Variants in DUOXA1 observed in about 807,000 individuals in gnomAD.
The protein encoded by DUOXA1 is dual oxidase maturation factor 1.
Under a neutral mutation model 26.6 loss-of-function variants are expected in DUOXA1, and 19 were observed. The ratio of observed to expected loss-of-function variants is 0.71; its 90% CI spans 0.50 to 1.05. The LOEUF (loss-of-function observed/expected upper bound fraction) is 1.05, where lower values mean the gene tolerates loss of function less well. Among genes scored for constraint, DUOXA1 ranks in the 50% least tolerant of loss-of-function variants. The pLI, the probability that DUOXA1 is intolerant of heterozygous loss-of-function variation, is 0.00. For missense variants in DUOXA1, 403 were observed against 427.5 expected (o/e 0.94, Z 0.51); for synonymous variants, 166 against 177.0 (o/e 0.94, Z 0.49).
chr15:45,121,266 G>A (rs1595549954), intron 5 of DUOXA1, 45 bp from the exon 6 acceptor site: 1 of 1,613,646 alleles, frequency 6.2e-7, no homozygotes, highest in East Asian at 2.2e-5. Context: ...AGATGACTGG[G>A]CATTACTAGG....
chr15:45,125,469 C>T (rs542077851), intron 3 of DUOXA1, among the ~76,000 whole-genome samples: 2 of 152,340 alleles, frequency 1.3e-5, no homozygotes, highest in East Asian at 3.9e-4. Context: ...ATTCCTGTCA[C>T]AGCCAGGCTT....
intron 3 of DUOXA1, among the ~76,000 whole-genome samples, chr15:45,125,729 T>C (rs535689408): frequency 3.3e-5 from 5 of 152,204 alleles, no homozygotes; most frequent in Non-Finnish European, 7.4e-5. Context: ...TTTGGCCATC[T>C]CTTTGTGGCT....
Position 45,117,439 on chromosome 15 carries a change from G to A in DUOXA1, c.*1667C>T. 6.5e-7 allele frequency: 1 copy of A among 1,531,502 alleles called. No homozygotes were observed. The highest frequency in any genetic ancestry group is 8.8e-7 in the Non-Finnish European group (1 of 1,135,040). 94.9% of individuals were successfully genotyped at this position (1,531,502 alleles called of 1,614,324 possible). On this transcript the variant is annotated 3_prime_UTR_variant, in exon 9 of 9. Coordinates refer to ENST00000560572, the MANE Select transcript of DUOXA1 (RefSeq NM_001276266.2). ...CCCTCTCAATAGTTCGCAGAAACAG[G>A]CACTGTTATGACCATTTTACAGATG...
Position 45,117,619 on chromosome 15 carries a change from G to C in DUOXA1, c.*1487C>G. On this transcript the variant is annotated 3_prime_UTR_variant, in exon 9 of 9. Transcript: ENST00000560572. ...TAATCCCAGCACTTTGGGAGGTCGA[G>C]GCAGGAAGGTCGTTTGAGGCCAGAG... The C allele has an allele frequency of 6.2e-7, 1 of 1,613,780 alleles. No individual in the cohort carries two copies.
chr15:45,118,141 G>GACCA lies in DUOXA1; in HGVS notation c.*964_*965insTGGT. The GACCA allele has an allele frequency of 1.6e-5, 23 of 1,439,022 alleles. No homozygotes were observed. In the Admixed American group the frequency reaches 1.7e-4, roughly 10 times the overall value. 89.1% of individuals were successfully genotyped at this position (1,439,022 alleles called of 1,614,324 possible). ...CCATTAATTTTCATGGCTTCTCCGC[G>GACCA]CCGGGGTCGCACGTCCTCATGAGCT... On this transcript the variant is annotated 3_prime_UTR_variant, in exon 9 of 9. Coordinates refer to ENST00000560572, the MANE Select transcript of DUOXA1 (RefSeq NM_001276266.2).
Position 45,118,582 on chromosome 15 carries a change from G to A in DUOXA1, c.*524C>T. 1 of 991,328 alleles carries A rather than the reference G, an allele frequency of 1.0e-6. No individual in the cohort carries two copies. Among genetic ancestry groups the A allele is most frequent in the Non-Finnish European group, 1.2e-6 (1 of 834,208 alleles). The allele number at this position is 991,328 out of a possible 1,614,324, so 61.4% of individuals were successfully genotyped here. A position where few individuals can be genotyped will look rare whatever the true frequency, so the allele number is the denominator to read the frequency against. ...AGAGAATGTGGCATAGTTGGTTAAT[G>A]TTAGACCTAGGATGAGAAGTTTGGT... On this transcript the variant is annotated 3_prime_UTR_variant, in exon 9 of 9. Coordinates refer to ENST00000560572, the MANE Select transcript of DUOXA1 (RefSeq NM_001276266.2).
At chr15:45,124,097 C>T (rs1047269361) in intron 3 of DUOXA1, among the ~76,000 whole-genome samples, 1 of 152,100 alleles carries the variant, frequency 6.6e-6, no homozygotes, top group African/African-American at 2.4e-5. Flanking sequence ...TCATTTCATG[C>T]AGTGTGATCT....
At chr15:45,126,310 T>G (rs1482687353) in intron 3 of DUOXA1, among the ~76,000 whole-genome samples, 1 of 152,226 alleles carries the variant, frequency 6.6e-6, no homozygotes, top group Admixed American at 6.5e-5. Flanking sequence ...TTGCCCAGCC[T>G]AGTCTATAGC....
rs1894882204 is a variant in DUOXA1 at position 45,119,025 on chromosome 15, G to A, written c.*81C>T. The A allele has an allele frequency of 6.6e-6, 10 of 1,506,354 alleles. No individual in the cohort carries two copies. Among genetic ancestry groups the A allele is most frequent in the Non-Finnish European group, 8.9e-6 (10 of 1,126,818 alleles). 93.3% of individuals were successfully genotyped at this position (1,506,354 alleles called of 1,614,324 possible). A position where few individuals can be genotyped will look rare whatever the true frequency, so the allele number is the denominator to read the frequency against. ...GGTGTCTGGTAACAGCCACCCTGAG[G>A]GCAGTTCTGCTGGTTTTATGGGGCG... On this transcript the variant is annotated 3_prime_UTR_variant, in exon 9 of 9. Coordinates refer to ENST00000560572, the MANE Select transcript of DUOXA1 (RefSeq NM_001276266.2).
intron 3 of DUOXA1, among the ~76,000 whole-genome samples, chr15:45,125,526 A>G (rs1895612753): frequency 6.6e-6 from 1 of 152,064 alleles, no homozygotes; most frequent in Admixed American, 6.6e-5. Flanking sequence ...TATCTCTTCA[A>G]CCTACCACAA....
intron 5 of DUOXA1, 143 bp downstream of exon 5, chr15:45,122,042 G>A: frequency 1.2e-6 from 1 of 827,536 alleles, no homozygotes; most frequent in South Asian, 1.5e-5. Flanking sequence ...AGGCCATGGT[G>A]AGAGAAGCAT....
At chr15:45,119,542 TAA>T (rs1894946776) in intron 8 of DUOXA1, among the ~76,000 whole-genome samples, 177 bp from the exon 9 acceptor site, 1 of 151,974 alleles carries the variant, frequency 6.6e-6, no homozygotes, top group South Asian at 2.1e-4. Context: ...TCTGTTGTCC[TAA>T]GTTTCCAGAC....
In DUOXA1 at chr15:45,129,002, G is replaced by C. The variant is rs1012988991; in HGVS notation, c.-30+16C>G. On this transcript the variant is annotated intron_variant, in intron 3 of 8. Transcript: ENST00000560572. This position sits in a 1 kb window ranked among gnomAD's most constrained non-coding sequence, Gnocchi z 4.1. ...CCGCATCCCCCACCACCCACACCCG[G>C]ACCACTATTCCCTACCTTCCCCTCT... 6.6e-6 allele frequency: 1 copy of C among 152,210 alleles called. No homozygotes were observed. The highest frequency in any genetic ancestry group is 1.5e-5 in the Non-Finnish European group (1 of 68,126). The allele number at this position is 152,210 out of a possible 1,614,324, so 9.4% of individuals were successfully genotyped here.
Position 45,122,253 on chromosome 15 carries a change from A to C in DUOXA1, c.148-11T>G, listed in dbSNP as rs1176426641. 2.5e-6 allele frequency: 4 copies of C among 1,599,442 alleles called. No homozygotes were observed. The highest frequency in any genetic ancestry group is 1.3e-5 in the African/African-American group (1 of 74,878). On this transcript the variant is annotated splice_polypyrimidine_tract_variant and intron_variant, in intron 4 of 8. Transcript: ENST00000560572. ...CAGCCAGAACAGCCTCTGAGTCACA[A>C]GGTAGGTGGGTTAAGTAAAGAGTGC...
intron 3 of DUOXA1, 31 bp from the exon 4 acceptor site, chr15:45,123,074 G>A: frequency 6.5e-7 from 1 of 1,533,112 alleles, no homozygotes; most frequent in Non-Finnish European, 8.8e-7. Flanking sequence ...TTTATTGCAT[G>A]CCCTCAATGT....
intron 3 of DUOXA1, among the ~76,000 whole-genome samples, chr15:45,127,776 A>T (rs779506807): frequency 6.6e-6 from 1 of 152,236 alleles, no homozygotes; most frequent in East Asian, 1.9e-4. Context: ...AGAAAATCTC[A>T]TATCAATATT....
Position 45,125,436 on chromosome 15 carries a change from C to T in DUOXA1, c.-29-2393G>A, listed in dbSNP as rs141615543. On this transcript the variant is annotated intron_variant, in intron 3 of 8. Coordinates refer to ENST00000560572, the MANE Select transcript of DUOXA1 (RefSeq NM_001276266.2). Reference sequence around the variant, plus strand: ...CTCCCTTGATCTTCTTGGTCCCCTCCAGCTACCATCCTATTTTACTCTATT... The same window carrying T: ...CTCCCTTGATCTTCTTGGTCCCCTCTAGCTACCATCCTATTTTACTCTATT... Among the ~76,000 whole-genome samples the T allele has an allele frequency of 1.7e-3, 258 of 152,296 alleles. 1 individual carries two copies. Among genetic ancestry groups the T allele is most frequent in the African/African-American group, 5.6e-3 (234 of 41,564 alleles).
rs1167262089 is a variant in DUOXA1 at position 45,129,249 on chromosome 15, CAGTCACTCTTCA to C, written c.-146-127_-146-116del. The C allele has an allele frequency of 1.3e-5, 2 of 152,284 alleles. No individual in the cohort carries two copies. The highest frequency in any genetic ancestry group is 2.4e-5 in the African/African-American group (1 of 41,448). 9.4% of individuals were successfully genotyped at this position (152,284 alleles called of 1,614,324 possible). On this transcript the variant is annotated intron_variant, in intron 2 of 8. Transcript: ENST00000560572. This position sits in a 1 kb window ranked among gnomAD's most constrained non-coding sequence, Gnocchi z 4.1. ...GGACAAACCGGGTCTGGGGTGCTTC[CAGTCACTCTTCA>C]AGTCACTCCCAAACTTCTCAGACTG...
In DUOXA1 at chr15:45,119,368, G is replaced by A; in HGVS notation, c.773-3C>T. 1 of 1,603,474 alleles carries A rather than the reference G, an allele frequency of 6.2e-7. No individual in the cohort carries two copies. Among genetic ancestry groups the A allele is most frequent in the Non-Finnish European group, 8.5e-7 (1 of 1,172,266 alleles). ...GCCCAGCAGCACACACAGCAGTCCT[G>A]GAGATGAGGGCAACAATTGTCCCAC... On this transcript the variant is annotated splice_region_variant and splice_polypyrimidine_tract_variant and intron_variant, in intron 8 of 8. Coordinates refer to ENST00000560572, the MANE Select transcript of DUOXA1 (RefSeq NM_001276266.2).
Sources: allele counts gnomAD v4.1 joint callset (sites outside exome capture counted in the v4.1 genomes callset), GRCh38; gene constraint gnomAD v4.1.1; non-coding constraint Gnocchi (gnomAD v3.1); transcripts MANE v1.5; gene names NCBI Gene and HGNC (gene_info 2026-07-23, HGNC 2026-07-21).